Variants in TG observed in about 807,000 individuals in gnomAD.
TG encodes thyroid hormones.
Under a neutral mutation model 324.7 loss-of-function variants are expected in TG, and 270 were observed. The ratio of observed to expected loss-of-function variants is 0.83; its 90% confidence interval spans 0.75 to 0.92. TG has a LOEUF of 0.92. TG is among the 40% of genes least tolerant of loss of function. The probability of loss-of-function intolerance (pLI) is 0.00; values close to 1 mark genes in which losing one functional copy is unlikely to be tolerated. For synonymous variants in TG, 1,401 were observed against 1,327.0 expected, an observed-to-expected ratio of 1.06 and a Z score of -1.21; for missense variants, 3,591 against 3,456.4, an observed-to-expected ratio of 1.04 and a Z score of -0.98.
intron 34 of TG, among the ~76,000 whole-genome samples, 178 bp downstream of exon 34, chr8:132,972,919 T>A (rs1353601520): frequency 6.6e-6 from 1 of 152,214 alleles, no homozygotes; most frequent in Non-Finnish European, 1.5e-5. Flanking sequence ...AGTTTGCTCA[T>A]TGACTCAAAG....
chr8:133,127,726 A>G (rs911102776), intron 45 of TG, among the ~76,000 whole-genome samples: 1 of 152,112 alleles, frequency 6.6e-6, no homozygotes, highest in Non-Finnish European at 1.5e-5. Flanking sequence ...AAAAGTTCCA[A>G]TTGCACTTCT....
intron 11 of TG, among the ~76,000 whole-genome samples, chr8:132,895,794 G>A (rs1295211820): frequency 6.6e-6 from 1 of 152,238 alleles, no homozygotes; most frequent in Non-Finnish European, 1.5e-5. Context: ...CTTTGGTCAG[G>A]GAGGGAAATG....
chr8:132,932,115 T>C (rs1822804826), intron 23 of TG, among the ~76,000 whole-genome samples: 1 of 101,724 alleles, frequency 9.8e-6, no homozygotes, highest in Non-Finnish European at 2.4e-5. Flanking sequence ...TAAAACAGAA[T>C]TATTTTTTTG....
chr8:132,966,886 T>C (rs1337100247), intron 30 of TG, among the ~76,000 whole-genome samples, 189 bp downstream of exon 30: 1 of 152,198 alleles, frequency 6.6e-6, no homozygotes, highest in Non-Finnish European at 1.5e-5. Flanking sequence ...GTAGTTAATC[T>C]CTACTCTGCT....
chr8:132,873,200 A>G lies in TG; in HGVS notation c.617A>G (p.Asp206Gly). 1 of 1,614,110 alleles carries G rather than the reference A, an allele frequency of 6.2e-7. No homozygotes were observed. Among genetic ancestry groups the G allele is most frequent in the Non-Finnish European group, 8.5e-7 (1 of 1,180,014 alleles). The part of the protein sequence containing the change: ...FVNTTDMMIF[D>G]LVHSYNRFPD... ...AACACCACAGACATGATGATTTTTG[A>G]TCTGGTCCACAGCTACAACAGGTAA... The change falls in exon 5 of 48, where the codon GAT becomes GGT. Residue 206 changes from aspartate to glycine, a missense_variant. Transcript: ENST00000220616.
At chr8:133,096,056 G>GTCCT in intron 42 of TG, 150 bp from the exon 43 acceptor site, 1 of 909,374 alleles carries the variant, frequency 1.1e-6, no homozygotes, top group Non-Finnish European at 1.8e-6. Flanking sequence ...GTCACATGGT[G>GTCCT]TCCTGCCTGC....
intron 29 of TG, among the ~76,000 whole-genome samples, chr8:132,963,979 G>A (rs2741221): frequency 0.76 from 114,619 of 151,792 alleles, 43,641 homozygotes; most frequent in African/African-American, 0.84. Flanking sequence ...CTCTTATCCC[G>A]TTAGATAGCA....
chr8:132,990,420 C>A, intron 35 of TG, among the ~76,000 whole-genome samples: 1 of 151,932 alleles, frequency 6.6e-6, no homozygotes. Context: ...TTTATCATTT[C>A]TTTGTGTTGT....
intron 41 of TG, chr8:133,074,778 A>C: frequency 3.4e-6 from 3 of 874,546 alleles, no homozygotes; most frequent in Non-Finnish European, 4.1e-6. Context: ...CAGAAAGTCA[A>C]CCCCTGCCAA....
At chr8:132,998,383 C>G (rs1833088059) in intron 35 of TG, among the ~76,000 whole-genome samples, 1 of 152,080 alleles carries the variant, frequency 6.6e-6, no homozygotes, top group African/African-American at 2.4e-5. Flanking sequence ...TCAAACTGTG[C>G]CGGGGGTCAG....
intron 41 of TG, among the ~76,000 whole-genome samples, chr8:133,079,429 C>T (rs1283593328): frequency 6.6e-6 from 1 of 152,170 alleles, no homozygotes; most frequent in African/African-American, 2.4e-5. Flanking sequence ...TAAAAACTAG[C>T]TTTACATACT....
intron 45 of TG, among the ~76,000 whole-genome samples, 183 bp downstream of exon 45, chr8:133,116,899 G>A (rs1474532285): frequency 1.3e-5 from 2 of 150,998 alleles, no homozygotes; most frequent in Non-Finnish European, 3.0e-5. Context: ...AAAAAAAAAT[G>A]GTGTGAAAGG....
chr8:132,994,471 A>G (rs1832680506), intron 35 of TG, among the ~76,000 whole-genome samples: 1 of 152,170 alleles, frequency 6.6e-6, no homozygotes, highest in South Asian at 2.1e-4. Context: ...CTGACAGTGA[A>G]TGGGACCATC....
chr8:132,923,635 C>A, intron 22 of TG, 127 bp downstream of exon 22: 1 of 1,191,762 alleles, frequency 8.4e-7, no homozygotes, highest in South Asian at 1.6e-5. Flanking sequence ...AAATTTTAAT[C>A]TGTGTAGAAG....
chr8:133,108,603 A>G (rs1045677478), intron 43 of TG, among the ~76,000 whole-genome samples: 1 of 152,248 alleles, frequency 6.6e-6, no homozygotes, highest in African/African-American at 2.4e-5. Flanking sequence ...TCATACAGCT[A>G]AGAAGTCGCA....
chr8:133,096,011 G>C (rs1848353476), intron 42 of TG, among the ~76,000 whole-genome samples, 195 bp from the exon 43 acceptor site: 1 of 152,206 alleles, frequency 6.6e-6, no homozygotes, highest in Non-Finnish European at 1.5e-5. Context: ...TCATTGCTGA[G>C]AGTGAGATTC....
rs143418163 is a variant in TG, at chr8:133,008,809, A to G, written c.6263-3092A>G. 2.3e-3 allele frequency among the ~76,000 whole-genome samples: 356 copies of G among 152,356 alleles called. 4 individuals carry two copies. Among genetic ancestry groups the G allele is most frequent in the African/African-American group, 8.0e-3 (332 of 41,580 alleles). On this transcript the variant is annotated intron_variant, in intron 35 of 47. Transcript: ENST00000220616. ...GACAGTACCCACCTCATTGGTTATCATGAATACTAAATGCAGCAGTGTTGC... is the reference window on the plus strand; with the variant it reads ...GACAGTACCCACCTCATTGGTTATCGTGAATACTAAATGCAGCAGTGTTGC...
chr8:132,991,195 C>T (rs2130766529), intron 35 of TG, among the ~76,000 whole-genome samples: 1 of 152,136 alleles, frequency 6.6e-6, no homozygotes, highest in African/African-American at 2.4e-5. Context: ...CAGCAGCACC[C>T]ACCACTGCTA....
intron 41 of TG, chr8:133,094,744 G>A (rs1848154122): frequency 2.4e-5 from 11 of 457,514 alleles, no homozygotes; most frequent in South Asian, 1.9e-4. Flanking sequence ...AGAACCATCA[G>A]CCCTTTGCCT....
Sources: allele counts gnomAD v4.1 joint callset (sites outside exome capture counted in the v4.1 genomes callset), GRCh38; gene constraint gnomAD v4.1.1; transcripts MANE v1.5; gene names NCBI Gene and HGNC (gene_info 2026-07-23, HGNC 2026-07-21).